Variants in ABL2 observed in about 807,000 individuals in gnomAD.
ABL2 encodes ABL proto-oncogene 2, non-receptor tyrosine kinase.
ABL2 carries 49 observed loss-of-function variants against 107.7 expected under a neutral mutation model. The observed-to-expected ratio is 0.45, with a 90% CI of 0.36 to 0.58. The LOEUF is 0.58. Among genes scored for constraint, ABL2 ranks in the 20% least tolerant of loss-of-function variants. The pLI, the probability that ABL2 is intolerant of heterozygous loss-of-function variation, is 0.00. For missense variants in ABL2, 1,245 were observed against 1,457.0 expected (o/e 0.85, Z 2.37); for synonymous variants, 549 against 548.6 (o/e 1.00, Z -0.01).
At chr1:179,213,328 CT>C (rs888263634) in intron 1 of ABL2, among the ~76,000 whole-genome samples, 9 of 150,520 alleles carry the variant, frequency 6.0e-5, no homozygotes, top group East Asian at 1.9e-4. Context: ...TTATTTTTGT[CT>C]TTTTTTTTCT....
intron 5 of ABL2, 72 bp downstream of exon 5, chr1:179,121,523 C>A: frequency 6.5e-7 from 1 of 1,547,146 alleles, no homozygotes; most frequent in African/African-American, 1.4e-5. Context: ...TAAAGAAGGG[C>A]ATGCTGATAT....
At chr1:179,182,848 G>C (rs1385667862) in intron 1 of ABL2, among the ~76,000 whole-genome samples, 1 of 152,102 alleles carries the variant, frequency 6.6e-6, no homozygotes, top group Non-Finnish European at 1.5e-5. Context: ...ATTTTAACAA[G>C]AAGGACCAGT....
chr1:179,105,875 T>C lies in ABL2; in HGVS notation c.*1843A>G, dbSNP rs1415750964. On this transcript the variant is annotated 3_prime_UTR_variant, in exon 12 of 12. Coordinates refer to ENST00000502732, the MANE Select transcript of ABL2 (RefSeq NM_007314.4). ...AATATTTTCTACTCAGCAAATAAGA[T>C]AATGGAAAACAATTCAGCATAACAA... 5 of 224,692 alleles carry C rather than the reference T, an allele frequency of 2.2e-5. No homozygotes were observed. The highest frequency in any genetic ancestry group is 4.4e-5 in the Non-Finnish European group (5 of 112,892). 13.9% of individuals were successfully genotyped at this position (224,692 alleles called of 1,614,324 possible).
chr1:179,215,183 A>G (rs980413874), intron 1 of ABL2, among the ~76,000 whole-genome samples: 2 of 151,964 alleles, frequency 1.3e-5, no homozygotes, highest in African/African-American at 4.8e-5. Flanking sequence ...ATTGGGGAGA[A>G]AATTCATACA....
chr1:179,211,665 G>A (rs1028946441), intron 1 of ABL2, among the ~76,000 whole-genome samples: 2 of 152,058 alleles, frequency 1.3e-5, no homozygotes, highest in African/African-American at 4.8e-5. Context: ...GGAAGGCCGA[G>A]GCAAGTGGAT....
chr1:179,191,144 G>A (rs954375946), intron 1 of ABL2, among the ~76,000 whole-genome samples: 6 of 152,138 alleles, frequency 3.9e-5, no homozygotes, highest in African/African-American at 1.4e-4. Flanking sequence ...AGAAAACCCA[G>A]AATGATGACA....
chr1:179,141,198 G>A (rs1191472616), intron 1 of ABL2, among the ~76,000 whole-genome samples: 1 of 151,954 alleles, frequency 6.6e-6, no homozygotes, highest in Non-Finnish European at 1.5e-5. Context: ...GGAAGCTGAG[G>A]TAGGATTGTC....
intron 1 of ABL2, among the ~76,000 whole-genome samples, chr1:179,225,959 G>C (rs1663172558): frequency 6.7e-6 from 1 of 149,906 alleles, no homozygotes; most frequent in South Asian, 2.1e-4. Flanking sequence ...CAGGAGAATG[G>C]CGTGAACCCG....
chr1:179,107,619 T>G lies in ABL2; in HGVS notation c.*99A>C. ...GGTACTTCACATAAACACACTCAAGTATGAGTCTTTCATTTTCTGAAAACA... is the reference window on the plus strand; with the variant it reads ...GGTACTTCACATAAACACACTCAAGGATGAGTCTTTCATTTTCTGAAAACA... On this transcript the variant is annotated 3_prime_UTR_variant, in exon 12 of 12. Transcript: ENST00000502732. 6.6e-7 allele frequency: 1 copy of G among 1,513,072 alleles called. No individual in the cohort carries two copies. Among genetic ancestry groups the G allele is most frequent in the Non-Finnish European group, 8.8e-7 (1 of 1,133,836 alleles). The allele number at this position is 1,513,072 out of a possible 1,614,324, so 93.7% of individuals were successfully genotyped here. A position where few individuals can be genotyped will look rare whatever the true frequency, so the allele number is the denominator to read the frequency against.
rs575968587 is a variant in ABL2, at chr1:179,146,833, T to C, written c.158-13459A>G. Among the ~76,000 whole-genome samples, 163 of 152,276 alleles carry C rather than the reference T, an allele frequency of 1.1e-3. 1 individual carries two copies. Among genetic ancestry groups the C allele is most frequent in the Middle Eastern group, 6.8e-3 (2 of 294 alleles). On this transcript the variant is annotated intron_variant, in intron 1 of 11. Coordinates refer to ENST00000502732, the MANE Select transcript of ABL2 (RefSeq NM_007314.4). Reference sequence around the variant, plus strand: ...GAAAAAGATATATCACCCCAAAATATGTCTCTGACATAAAAATTATTTTTG... The same window carrying C: ...GAAAAAGATATATCACCCCAAAATACGTCTCTGACATAAAAATTATTTTTG...
Position 179,114,917 on chromosome 1 carries a change from C to T in ABL2, c.1522G>A (p.Glu508Lys). ...TCATAAACCTTAGGGGGGCATCCCT[C>T]AGGCTGTTCCATTCGATATCCTTTT... ...LEKGYRMEQP[E>K]GCPPKVYELM... Residue 508 changes from glutamate to lysine, a missense_variant, in exon 9 of 12, where the codon GAG (glutamate) becomes AAG (lysine). This residue lies in a region of ABL2 where 320 missense variants were observed against 547.0 expected (regional missense o/e 0.59). Transcript: ENST00000502732. 1 of 1,611,580 alleles carries T rather than the reference C, an allele frequency of 6.2e-7. No individual in the cohort carries two copies. Among genetic ancestry groups the T allele is most frequent in the South Asian group, 1.1e-5 (1 of 90,244 alleles).
chr1:179,223,341 A>G (rs1367033220), intron 1 of ABL2, among the ~76,000 whole-genome samples: 1 of 149,296 alleles, frequency 6.7e-6, no homozygotes, highest in Non-Finnish European at 1.5e-5. Context: ...TTCAGCCAGG[A>G]GTTTGAGGCT....
chr1:179,159,861 C>T (rs1658956631), intron 1 of ABL2, among the ~76,000 whole-genome samples: 1 of 152,084 alleles, frequency 6.6e-6, no homozygotes, highest in Non-Finnish European at 1.5e-5. Flanking sequence ...TGCCTGTAAT[C>T]CCAGCACTTT....
chr1:179,211,866 C>G (rs1200971807), intron 1 of ABL2, among the ~76,000 whole-genome samples: 1 of 152,110 alleles, frequency 6.6e-6, no homozygotes, highest in East Asian at 1.9e-4. Flanking sequence ...TTCAAAGCAC[C>G]TCCGTGGAAT....
At chr1:179,191,606 G>C (rs1352837742) in intron 1 of ABL2, among the ~76,000 whole-genome samples, 2 of 151,734 alleles carry the variant, frequency 1.3e-5, no homozygotes, top group Non-Finnish European at 2.9e-5. Flanking sequence ...ATTTTTAGTA[G>C]AGATAGGGTT....
intron 2 of ABL2, among the ~76,000 whole-genome samples, chr1:179,131,981 T>C (rs1656374258): frequency 6.6e-6 from 1 of 152,238 alleles, no homozygotes; most frequent in Non-Finnish European, 1.5e-5. Context: ...TTTTCAGAAT[T>C]AGGTAATACT....
chr1:179,131,416 T>G lies in ABL2; in HGVS notation c.286A>C (p.Ser96Arg). 6.2e-7 allele frequency: 1 copy of G among 1,614,104 alleles called. No individual in the cohort carries two copies. The highest frequency in any genetic ancestry group is 8.5e-7 in the Non-Finnish European group (1 of 1,179,966). The change falls in exon 3 of 12, where the codon AGC (serine) becomes CGC (arginine). Residue 96 changes from serine to arginine, a missense_variant. Ser to Arg is a moderately radical substitution (Grantham distance 110). This residue lies in a region of ABL2 where 164 missense variants were observed against 143.7 expected (regional missense o/e 1.14). Coordinates refer to ENST00000502732, the MANE Select transcript of ABL2 (RefSeq NM_007314.4). ...GCTCCGAGCAAGTTCTCCTTGGAGC[T>G]CCACCTGATAGCCTCATTTAGTGCC... is the stretch of plus-strand genomic sequence containing the variant. ...PQALNEAIRW[S>R]SKENLLGATE...
chr1:179,214,517 GACATATATATATATAT>G (rs903094957), intron 1 of ABL2, among the ~76,000 whole-genome samples: 1 of 41,088 alleles, frequency 2.4e-5, no homozygotes, highest in Non-Finnish European at 5.1e-5. Flanking sequence ...GTTTTAAAAT[GACATATATATATATAT>G]ATATATATAT....
In ABL2 at chr1:179,191,413, C is replaced by CTTTT. The variant is rs35362624; in HGVS notation, c.157+37824_157+37827dup. 2.4e-3 allele frequency among the ~76,000 whole-genome samples: 183 copies of CTTTT among 77,114 alleles called. 2 individuals carry two copies. The highest frequency in any genetic ancestry group is 2.8e-3 in the Non-Finnish European group (123 of 43,818). 50.6% of individuals were successfully genotyped at this position (77,114 alleles called of 152,430 possible). On this transcript the variant is annotated intron_variant, in intron 1 of 11. Coordinates refer to ENST00000502732, the MANE Select transcript of ABL2 (RefSeq NM_007314.4). ...ACCTTAATCTTTCTGTATGAAATCC[C>CTTTT]TTTTTTTTTTTTTTTTTTTTTTTTG...
Sources: gnomAD v4.1 joint callset for allele counts (sites outside exome capture counted in the v4.1 genomes callset) on GRCh38, gnomAD v4.1.1 for gene constraint, gnomAD v4.1.1 regional missense constraint, MANE v1.5 for transcripts, NCBI Gene and HGNC (gene_info 2026-07-23, HGNC 2026-07-21) for gene names.